The following CLDN14 variants were observed in gnomAD, a reference collection of about 807,000 sequenced individuals.
CLDN14 encodes claudin-14.
Under a neutral mutation model 2.1 loss-of-function variants are expected in CLDN14, and 2 were observed. That is an observed-to-expected ratio of 0.96 (90% CI 0.39 to 3.01). The LOEUF is 3.01. Ranked by LOEUF, CLDN14 falls within the 30% of genes most tolerant of loss-of-function variation. The probability of loss-of-function intolerance (pLI) is 0.09; values close to 1 mark genes in which losing one functional copy is unlikely to be tolerated. For synonymous variants in CLDN14, 136 were observed against 154.4 expected, an observed-to-expected ratio of 0.88 and a Z score of 0.88; for missense variants, 298 against 328.0, an observed-to-expected ratio of 0.91 and a Z score of 0.71.
At chr21:36,517,387 AC>A (rs1465936199) in intron 1 of CLDN14, among the ~76,000 whole-genome samples, 1 of 152,192 alleles carries the variant, frequency 6.6e-6, no homozygotes, top group Non-Finnish European at 1.5e-5. Context: ...AAGTTTGCCA[AC>A]CCTTGCATTA....
At chr21:36,474,726 G>A (rs918942340) in intron 1 of CLDN14, among the ~76,000 whole-genome samples, 2 of 152,128 alleles carry the variant, frequency 1.3e-5, no homozygotes, top group Admixed American at 6.5e-5. Flanking sequence ...TTGAAGATGA[G>A]AGGCATGGAA....
chr21:36,500,454 C>G (rs1183806989), intron 2 of CLDN14, among the ~76,000 whole-genome samples: 1 of 152,150 alleles, frequency 6.6e-6, no homozygotes. Flanking sequence ...TAAATTTAGA[C>G]AGAGTCTTGT....
chr21:36,496,743 A>G (rs867520163), intron 2 of CLDN14, among the ~76,000 whole-genome samples: 64 of 642 alleles, frequency 0.1, 5 homozygotes, highest in Non-Finnish European at 0.16. Context: ...GGGAGGGAGG[A>G]AGGAAGGGAG....
At chr21:36,567,654 G>T (rs566764740) in intron 1 of CLDN14, among the ~76,000 whole-genome samples, 1 of 152,172 alleles carries the variant, frequency 6.6e-6, no homozygotes, top group Admixed American at 6.5e-5. Flanking sequence ...TAGTGCCCTG[G>T]GTTGCTCTCG....
Position 36,543,157 on chromosome 21 carries a change from C to T in CLDN14, c.-219-32657G>A, listed in dbSNP as rs544382598. On this transcript the variant is annotated intron_variant, in intron 1 of 2. Transcript: ENST00000342108. ...CTCAACTGCTGGGGCAGGGGCTGCC[C>T]TCTGGGGTAGAGGGACCCCCAGTTT... 3.9e-5 allele frequency among the ~76,000 whole-genome samples: 6 copies of T among 152,320 alleles called. No homozygotes were observed. In the South Asian group the frequency reaches 1.0e-3, roughly 26 times the overall value.
rs892835882 is a variant in CLDN14, at chr21:36,544,498, G to A, written c.-220+31913C>T. Among the ~76,000 whole-genome samples, 1 of 152,224 alleles carries A rather than the reference G, an allele frequency of 6.6e-6. No individual in the cohort carries two copies. The highest frequency in any genetic ancestry group is 1.5e-5 in the Non-Finnish European group (1 of 68,044). On this transcript the variant is annotated intron_variant, in intron 1 of 2. Transcript: ENST00000342108. This position sits in a 1 kb window ranked among gnomAD's most constrained non-coding sequence, Gnocchi z 4.1. ...GACTGTTTGCATAGGAGGGGATGGA[G>A]TTGGGATTTAGGAAGGAGAGGCAAA...
At chr21:36,512,100 A>G (rs979229257) in intron 1 of CLDN14, among the ~76,000 whole-genome samples, 2 of 152,180 alleles carry the variant, frequency 1.3e-5, no homozygotes, top group Non-Finnish European at 2.9e-5. Flanking sequence ...GAACAAAGAG[A>G]TAATGTCTAA....
chr21:36,554,580 A>G (rs1019780056), intron 1 of CLDN14, among the ~76,000 whole-genome samples: 3 of 152,332 alleles, frequency 2.0e-5, no homozygotes, highest in Non-Finnish European at 2.9e-5. Flanking sequence ...GCCGTTTTAC[A>G]TATGGGGAAG....
intron 1 of CLDN14, among the ~76,000 whole-genome samples, chr21:36,550,060 A>G (rs2087552752): frequency 1.3e-5 from 2 of 152,188 alleles, no homozygotes; most frequent in South Asian, 2.1e-4. Context: ...TATTTATTGC[A>G]TGGTTGAAAG....
chr21:36,561,767 G>A (rs900675925), intron 1 of CLDN14, among the ~76,000 whole-genome samples: 5 of 152,102 alleles, frequency 3.3e-5, no homozygotes, highest in Non-Finnish European at 5.9e-5. Context: ...CACATCTCAT[G>A]GCTGACTCCT....
chr21:36,545,118 C>T (rs563644007), intron 1 of CLDN14, among the ~76,000 whole-genome samples: 30 of 152,360 alleles, frequency 2.0e-4, no homozygotes, highest in African/African-American at 6.3e-4. Flanking sequence ...GCAGGGCTCT[C>T]TTGCCTTTCT....
rs1257069671 is a variant in CLDN14, at chr21:36,544,157, T to C, written c.-220+32254A>G. On this transcript the variant is annotated intron_variant, in intron 1 of 2. Transcript: ENST00000342108. This position sits in a 1 kb window ranked among gnomAD's most constrained non-coding sequence, Gnocchi z 4.1. ...TGGCTCCCTCCAACCCAGGTTTCCA[T>C]TACCATGGTGCTGCCTGCCAGCTTG... Among the ~76,000 whole-genome samples the C allele has an allele frequency of 1.3e-5, 2 of 152,238 alleles. No individual in the cohort carries two copies. The highest frequency in any genetic ancestry group is 1.9e-4 in the East Asian group (1 of 5,188).
chr21:36,515,789 C>CTCTCTTTTTT (rs777338181), intron 1 of CLDN14, among the ~76,000 whole-genome samples: 1 of 115,314 alleles, frequency 8.7e-6, no homozygotes, highest in South Asian at 2.7e-4. Flanking sequence ...TTTATCTTCT[C>CTCTCTTTTTT]TTTTTTTTTT....
intron 1 of CLDN14, among the ~76,000 whole-genome samples, chr21:36,527,983 A>C (rs956019813): frequency 6.6e-6 from 1 of 152,158 alleles, no homozygotes; most frequent in African/African-American, 2.4e-5. Flanking sequence ...AAAAAGCCCA[A>C]CTTTATCTCC....
chr21:36,468,553 ACT>A (rs1284582901), intron 1 of CLDN14, among the ~76,000 whole-genome samples: 6 of 152,160 alleles, frequency 3.9e-5, no homozygotes, highest in Admixed American at 3.9e-4. Context: ...ACAGAGTGAG[ACT>A]CTGTCTCAAA....
chr21:36,485,523 C>T (rs999835423), intron 2 of CLDN14, among the ~76,000 whole-genome samples: 1 of 151,952 alleles, frequency 6.6e-6, no homozygotes, highest in African/African-American at 2.4e-5. Flanking sequence ...CTCTGATTTT[C>T]GTTAGGATCA....
At chr21:36,465,447 C>A (rs1017387805) in intron 1 of CLDN14, among the ~76,000 whole-genome samples, 11 of 152,170 alleles carry the variant, frequency 7.2e-5, no homozygotes, top group Admixed American at 4.6e-4. Flanking sequence ...TGTTAATGAG[C>A]CCCCAACTCC....
At chr21:36,555,105 G>A (rs1041126347) in intron 1 of CLDN14, among the ~76,000 whole-genome samples, 2 of 152,238 alleles carry the variant, frequency 1.3e-5, no homozygotes, top group Admixed American at 6.5e-5. Flanking sequence ...TCAAATGAAC[G>A]AGTGAATGGA....
At chr21:36,488,396 C>T (rs1262765569) in intron 2 of CLDN14, among the ~76,000 whole-genome samples, 4 of 152,032 alleles carry the variant, frequency 2.6e-5, no homozygotes, top group South Asian at 4.2e-4. Flanking sequence ...CTCAGCCTCC[C>T]GAGTAGCTGG....
Sources: gnomAD v4.1 joint callset for allele counts (sites outside exome capture counted in the v4.1 genomes callset) on GRCh38, gnomAD v4.1.1 for gene constraint, Gnocchi (gnomAD v3.1) non-coding constraint, MANE v1.5 for transcripts, NCBI Gene and HGNC (gene_info 2026-07-23, HGNC 2026-07-21) for gene names.